Variants in ATP11C observed in about 807,000 individuals in gnomAD.
The protein encoded by ATP11C is phospholipid-transporting ATPase IG.
Under a neutral mutation model 97.4 loss-of-function variants are expected in ATP11C, and 36 were observed. That is an observed-to-expected ratio of 0.37 (90% confidence interval 0.28 to 0.49). The LOEUF (loss-of-function observed/expected upper bound fraction) is 0.49, where lower values mean the gene tolerates loss of function less well. Among genes scored for constraint, ATP11C ranks in the 20% least tolerant of loss-of-function variants. ATP11C has a pLI of 0.98. For synonymous variants in ATP11C, 275 were observed against 290.9 expected (o/e 0.95, Z 0.56); for missense variants, 730 against 824.6 (o/e 0.89, Z 1.40).
In ATP11C at chrX:139,747,901, G is replaced by A. The variant is rs551830611; in HGVS notation, c.2829-2044C>T. On this transcript the variant is annotated intron_variant, in intron 24 of 29. Coordinates refer to ENST00000682941, the MANE Select transcript of ATP11C (RefSeq NM_001353812.2). ...AAGTATGAGATCAAAAAGGAAAGCC[G>A]CACTTTGGGCTCGGCAATAGGTATG... is the stretch of plus-strand genomic sequence containing the variant. 1.8e-4 allele frequency among the ~76,000 whole-genome samples: 20 copies of A among 111,920 alleles called. 1 individual carries two copies. The South Asian group carries it at 6.0e-3, about 34-fold the overall frequency.
At chrX:139,836,629 T>TA (rs968294045) in intron 1 of ATP11C, among the ~76,000 whole-genome samples, 11 of 111,481 alleles carry the variant, frequency 9.9e-5, no homozygotes, top group Non-Finnish European at 1.9e-4. Context: ...CTAATGCCTT[T>TA]AAAAAAAATG....
intron 3 of ATP11C, among the ~76,000 whole-genome samples, chrX:139,817,161 A>G (rs2083303633): frequency 8.9e-6 from 1 of 112,393 alleles, no homozygotes; most frequent in Admixed American, 9.4e-5. Context: ...AGCTTGGATT[A>G]ACCCCTTTAT....
At chrX:139,743,774 T>C in intron 25 of ATP11C, 150 bp from the exon 26 acceptor site, 1 of 374,057 alleles carries the variant, frequency 2.7e-6, no homozygotes, top group Non-Finnish European at 4.7e-6. Flanking sequence ...GTCAGTAAGA[T>C]CAGGCCACAA....
intron 12 of ATP11C, among the ~76,000 whole-genome samples, chrX:139,790,818 GAT>G (rs1350819897): frequency 2.7e-5 from 3 of 111,314 alleles, no homozygotes; most frequent in African/African-American, 9.8e-5. Context: ...AAAAAAAGCA[GAT>G]AAAGTATAAC....
intron 1 of ATP11C, among the ~76,000 whole-genome samples, chrX:139,889,054 C>T (rs1421098878): frequency 2.7e-5 from 3 of 111,731 alleles, no homozygotes; most frequent in African/African-American, 9.8e-5. Context: ...GTAACTCGCT[C>T]ACCTTGGCCT....
intron 1 of ATP11C, among the ~76,000 whole-genome samples, chrX:139,850,273 T>C (rs1386192001): frequency 2.7e-5 from 3 of 111,127 alleles, no homozygotes; most frequent in Non-Finnish European, 5.7e-5. Flanking sequence ...AGACGTGCTA[T>C]GGGGAAAGTC....
chrX:139,732,196 C>T (rs776937636), intron 28 of ATP11C, among the ~76,000 whole-genome samples: 2 of 111,054 alleles, frequency 1.8e-5, no homozygotes, highest in Admixed American at 9.6e-5. Flanking sequence ...GCCATGGCCA[C>T]TGCATACCGT....
At chrX:139,734,511 T>C (rs907062777) in intron 28 of ATP11C, among the ~76,000 whole-genome samples, 4 of 111,727 alleles carry the variant, frequency 3.6e-5, no homozygotes, top group Non-Finnish European at 7.6e-5. Flanking sequence ...AATTTCTCCA[T>C]TGGAAATGTG....
intron 25 of ATP11C, 86 bp from the exon 26 acceptor site, chrX:139,743,710 A>C (rs1603338987): frequency 3.6e-6 from 2 of 559,762 alleles, no homozygotes; most frequent in South Asian, 1.0e-4. Context: ...GCCAAGTTGA[A>C]TCCTGTGTGT....
At chrX:139,806,765 G>A (rs1313925860) in intron 5 of ATP11C, among the ~76,000 whole-genome samples, 5 of 111,475 alleles carry the variant, frequency 4.5e-5, no homozygotes, top group African/African-American at 1.3e-4. Context: ...CATACAGGTG[G>A]TGACTGCTGT....
chrX:139,811,998 T>C (rs994101595), intron 5 of ATP11C, among the ~76,000 whole-genome samples: 3 of 111,730 alleles, frequency 2.7e-5, no homozygotes, highest in African/African-American at 6.5e-5. Flanking sequence ...GCTATATCTC[T>C]CTGATTGCAC....
intron 1 of ATP11C, among the ~76,000 whole-genome samples, chrX:139,836,603 G>C (rs1358531890): frequency 9.0e-6 from 1 of 111,632 alleles, no homozygotes; most frequent in Non-Finnish European, 1.9e-5. Context: ...ACAAAGTCCA[G>C]GGAAAGGTTC....
intron 1 of ATP11C, among the ~76,000 whole-genome samples, chrX:139,920,508 G>A (rs1005608814): frequency 1.8e-5 from 2 of 111,780 alleles, no homozygotes; most frequent in African/African-American, 6.5e-5. Flanking sequence ...GTAGATGGGT[G>A]GTTGCCAAGG....
chrX:139,756,831 G>C (rs760673220), intron 23 of ATP11C, among the ~76,000 whole-genome samples: 24 of 109,572 alleles, frequency 2.2e-4, no homozygotes, highest in Non-Finnish European at 4.2e-4. Flanking sequence ...GGTGGAGAGT[G>C]AGAGGAGGGA....
At chrX:139,799,642 TC>T (rs1369508681) in intron 8 of ATP11C, among the ~76,000 whole-genome samples, 2 of 99,358 alleles carry the variant, frequency 2.0e-5, no homozygotes, top group Non-Finnish European at 4.0e-5. Context: ...ACCTTTATAT[TC>T]CTTTTTTTTT....
In ATP11C at chrX:139,802,308, A is replaced by G. The variant is rs1166890827; in HGVS notation, c.587T>C (p.Leu196Pro). ...GGTATCGATGGATTCTGCTGTACACAGTGCAATGGTATCACGTACTGCATA... is the reference window on the plus strand; with the variant it reads ...GGTATCGATGGATTCTGCTGTACACGGTGCAATGGTATCACGTACTGCATA... ...THYAVRDTIA[L>P]CTAESIDTLR... Residue 196 changes from leucine (L) to proline (P), a missense_variant, in exon 7 of 30, where the codon CTG (leucine) becomes CCG (proline). Physicochemically the swap from Leu to Pro is moderately conservative, Grantham distance 98. Coordinates refer to ENST00000682941, the MANE Select transcript of ATP11C (RefSeq NM_001353812.2). 2 of 1,205,486 alleles carry G rather than the reference A, an allele frequency of 1.7e-6. No homozygotes were observed. The highest frequency in any genetic ancestry group is 2.2e-5 in the Admixed American group (1 of 45,998).
Position 139,750,114 on chromosome X carries a change from G to C in ATP11C, c.2739C>G (p.Ile913Met), listed in dbSNP as rs2081780374. ...CCAGGATGGGCAAGGATGTGAAGCA[G>C]ATATTGTACATTGTAAGGTAAGCAG... ...YDAAYLTMYN[I>M]CFTSLPILAY... Residue 913 changes from isoleucine to methionine, a missense_variant, in exon 24 of 30, where the codon ATC becomes ATG. Transcript: ENST00000682941. 1 of 1,203,130 alleles carries C rather than the reference G, an allele frequency of 8.3e-7. No homozygotes were observed. The highest frequency in any genetic ancestry group is 3.0e-5 in the East Asian group (1 of 33,751).
intron 13 of ATP11C, among the ~76,000 whole-genome samples, chrX:139,789,076 G>T (rs1005320382): frequency 1.8e-5 from 2 of 109,895 alleles, no homozygotes; most frequent in Non-Finnish European, 3.8e-5. Flanking sequence ...GGTGGCAGGC[G>T]CCTGTAATCC....
chrX:139,844,476 G>T (rs1003204600), intron 1 of ATP11C, among the ~76,000 whole-genome samples: 2 of 112,313 alleles, frequency 1.8e-5, no homozygotes, highest in African/African-American at 6.5e-5. Flanking sequence ...CATATGCAGG[G>T]CAAGCAGTGG....
Sources: gnomAD v4.1 joint callset for allele counts (sites outside exome capture counted in the v4.1 genomes callset) on GRCh38, gnomAD v4.1.1 for gene constraint, MANE v1.5 for transcripts, NCBI Gene and HGNC (gene_info 2026-07-23, HGNC 2026-07-21) for gene names.